The following MON2 variants were observed in gnomAD, a reference collection of about 807,000 sequenced individuals.
MON2 encodes the protein protein MON2 homolog.
Under a neutral mutation model 208.6 loss-of-function variants are expected in MON2, and 84 were observed. The observed-to-expected ratio is 0.40, with a 90% CI of 0.34 to 0.48. The LOEUF is 0.48. MON2 is among the 20% of genes least tolerant of loss of function. The pLI is 0.59. For synonymous variants in MON2, 660 were observed against 694.0 expected (o/e 0.95, Z 0.77); for missense variants, 1,611 against 2,015.4 (o/e 0.80, Z 3.84).
intron 7 of MON2, among the ~76,000 whole-genome samples, chr12:62,507,100 C>G (rs1006333458): frequency 6.6e-6 from 1 of 152,074 alleles, no homozygotes; most frequent in Non-Finnish European, 1.5e-5. Context: ...TTTATCAGCT[C>G]ATCATGTTCT....
chr12:62,547,214 G>A, intron 22 of MON2, 142 bp downstream of exon 22: 1 of 525,624 alleles, frequency 1.9e-6, no homozygotes, highest in East Asian at 3.7e-5. Flanking sequence ...TTTCATGTAT[G>A]CGCTTCCTGC....
Position 62,594,755 on chromosome 12 carries a change from A to G in MON2, c.*2006A>G, listed in dbSNP as rs1453986872. On this transcript the variant is annotated 3_prime_UTR_variant, in exon 35 of 35. Transcript: ENST00000393630. The stretch of plus-strand genomic sequence containing the variant: ...AACCAAAGCTTGCTTTATCAGGACC[A>G]TGCCCTACAGTTCAAAACATAAACA... 6.6e-6 allele frequency: 1 copy of G among 152,260 alleles called. No homozygotes were observed. The highest frequency in any genetic ancestry group is 2.4e-5 in the African/African-American group (1 of 41,478). 9.4% of individuals were successfully genotyped at this position (152,260 alleles called of 1,614,324 possible).
intron 4 of MON2, among the ~76,000 whole-genome samples, chr12:62,496,851 T>C (rs1045473710): frequency 1.3e-4 from 20 of 150,898 alleles, no homozygotes; most frequent in Non-Finnish European, 2.8e-4. Flanking sequence ...TAAAGACACA[T>C]GCACACGTAT....
At position 62,538,258 on chromosome 12, in the gene MON2, A is replaced by G; in HGVS notation, c.2206A>G (p.Thr736Ala). 6.2e-7 allele frequency: 1 copy of G among 1,613,348 alleles called. No homozygotes were observed. The change falls in exon 18 of 35, where the codon ACA becomes GCA. Residue 736 changes from threonine to alanine, a missense_variant. Transcript: ENST00000393630. ...RAVEGPSTVL[T>A]TAVMTDLPVI... ...TTAATTTTATTCTTCTCAGGTTCTA[A>G]CAACAGCAGTGATGACAGATTTACC...
chr12:62,555,844 A>C, intron 24 of MON2, 150 bp from the exon 25 acceptor site: 1 of 592,984 alleles, frequency 1.7e-6, no homozygotes, highest in Non-Finnish European at 2.9e-6. Context: ...TAATTACTCT[A>C]TTGGTCAGTT....
At chr12:62,544,022 A>G (rs917232936) in intron 20 of MON2, among the ~76,000 whole-genome samples, 5 of 152,178 alleles carry the variant, frequency 3.3e-5, no homozygotes, top group African/African-American at 1.2e-4. Flanking sequence ...GGTTGAGGTA[A>G]TTCTTAATAA....
At position 62,538,491 on chromosome 12, in the gene MON2, T is replaced by C; in HGVS notation, c.2350T>C (p.Tyr784His). The C allele has an allele frequency of 2.5e-6, 4 of 1,599,056 alleles. No homozygotes were observed. Among genetic ancestry groups the C allele is most frequent in the Non-Finnish European group, 2.6e-6 (3 of 1,167,012 alleles). The change falls in exon 19 of 35, where the codon TAT (tyrosine) becomes CAT (histidine). Residue 784 changes from tyrosine (Y) to histidine (H), a missense_variant. Physicochemically the swap from Tyr to His is moderately conservative, Grantham distance 83. Transcript: ENST00000393630. ...GTCTCTAGAAGCAATGGATATGGCC[T>C]ATGGAAATAATAAGGTGTGATATTC... is the stretch of plus-strand genomic sequence containing the variant. Reference protein sequence around the residue: ...SLSLEAMDMAYGNNKEPSLFA... With the variant: ...SLSLEAMDMAHGNNKEPSLFA...
intron 32 of MON2, among the ~76,000 whole-genome samples, chr12:62,583,067 T>C (rs2136466818): frequency 6.6e-6 from 1 of 152,298 alleles, no homozygotes; most frequent in South Asian, 2.1e-4. Context: ...GCACGGTGGC[T>C]CAGGCCTGTA....
In MON2 at chr12:62,482,303, G is replaced by C. The variant is rs2069492338; in HGVS notation, c.112-1867G>C. On this transcript the variant is annotated intron_variant, in intron 1 of 34. Transcript: ENST00000393630. ...TCAAACACAAGCAAGGGCTTGACATGCTTGGAGCCAACAAAATGACAGAAG... is the reference window on the plus strand; with the variant it reads ...TCAAACACAAGCAAGGGCTTGACATCCTTGGAGCCAACAAAATGACAGAAG... 2 of 152,248 alleles carry C rather than the reference G, an allele frequency of 1.3e-5. 1 individual carries two copies. The highest frequency in any genetic ancestry group is 4.1e-4 in the South Asian group (2 of 4,834). The allele number at this position is 152,248 out of a possible 1,614,324, so 9.4% of individuals were successfully genotyped here.
intron 8 of MON2, among the ~76,000 whole-genome samples, chr12:62,521,930 C>T (rs962684190): frequency 2.6e-5 from 4 of 152,184 alleles, no homozygotes; most frequent in East Asian, 1.9e-4. Flanking sequence ...TGGTGGCTCA[C>T]GCCTATAATC....
At chr12:62,492,221 T>A (rs11174507) in intron 2 of MON2, among the ~76,000 whole-genome samples, 57,238 of 152,004 alleles carry the variant, frequency 0.38, 11,033 homozygotes, top group African/African-American at 0.43. Context: ...AATGATAAAA[T>A]TAATGTTAAT....
chr12:62,521,271 A>G (rs943846869), intron 8 of MON2, among the ~76,000 whole-genome samples: 13 of 152,086 alleles, frequency 8.5e-5, no homozygotes, highest in African/African-American at 2.9e-4. Context: ...AGCCTCCCAA[A>G]GTGGAAGGAT....
chr12:62,501,427 A>C lies in MON2; in HGVS notation c.664-146A>C, dbSNP rs986754789. ...AATCTATCAATTACACAATTTGTCAAAATTGGAATTACCAGTGCTTAGTTT... is the reference window on the plus strand; with the variant it reads ...AATCTATCAATTACACAATTTGTCACAATTGGAATTACCAGTGCTTAGTTT... On this transcript the variant is annotated intron_variant, in intron 6 of 34. Coordinates refer to ENST00000393630, the MANE Select transcript of MON2 (RefSeq NM_015026.3). 8 of 805,342 alleles carry C rather than the reference A, an allele frequency of 9.9e-6. No individual in the cohort carries two copies. In the East Asian group the frequency reaches 2.2e-4, roughly 22 times the overall value. 49.9% of individuals were successfully genotyped at this position (805,342 alleles called of 1,614,324 possible).
In MON2 at chr12:62,576,971, A is replaced by C. The variant is rs1395902846; in HGVS notation, c.4515-1474A>C. On this transcript the variant is annotated intron_variant, in intron 30 of 34. Transcript: ENST00000393630. The stretch of plus-strand genomic sequence containing the variant: ...TAGTGTGTATATTTCTATAAACACT[A>C]ATAATATAGAAATATACACACTAAT... Among the ~76,000 whole-genome samples, 4 of 151,772 alleles carry C rather than the reference A, an allele frequency of 2.6e-5. No homozygotes were observed. In the East Asian group the frequency reaches 7.7e-4, roughly 29 times the overall value.
chr12:62,467,382 C>G, intron 1 of MON2, 64 bp downstream of exon 1: 2 of 1,322,002 alleles, frequency 1.5e-6, no homozygotes, highest in Non-Finnish European at 2.2e-6. Flanking sequence ...AGACTCAGTG[C>G]TTCACCCCAG....
At chr12:62,487,675 T>C (rs2069879852) in intron 2 of MON2, among the ~76,000 whole-genome samples, 1 of 151,616 alleles carries the variant, frequency 6.6e-6, no homozygotes, top group Non-Finnish European at 1.5e-5. Flanking sequence ...AATACATTTA[T>C]ATTTATATAT....
At position 62,594,374 on chromosome 12, in the gene MON2, T is replaced by G. The variant is rs1160021584; in HGVS notation, c.*1625T>G. 3 of 152,186 alleles carry G rather than the reference T, an allele frequency of 2.0e-5. No individual in the cohort carries two copies. Among genetic ancestry groups the G allele is most frequent in the Non-Finnish European group, 4.4e-5 (3 of 68,010 alleles). 9.4% of individuals were successfully genotyped at this position (152,186 alleles called of 1,614,324 possible). On this transcript the variant is annotated 3_prime_UTR_variant, in exon 35 of 35. Coordinates refer to ENST00000393630, the MANE Select transcript of MON2 (RefSeq NM_015026.3). ...AGGTCTTTGAGGGGATATTTTTTATTTACATGAATTACTGAATTTCTATTT... is the reference window on the plus strand; with the variant it reads ...AGGTCTTTGAGGGGATATTTTTTATGTACATGAATTACTGAATTTCTATTT...
chr12:62,551,063 G>A (rs2073721848), intron 23 of MON2, among the ~76,000 whole-genome samples: 1 of 151,750 alleles, frequency 6.6e-6, no homozygotes, highest in Non-Finnish European at 1.5e-5. Flanking sequence ...GGAATTATAG[G>A]CGCCCGCCAT....
At chr12:62,479,220 T>C (rs1024519131) in intron 1 of MON2, among the ~76,000 whole-genome samples, 2 of 152,200 alleles carry the variant, frequency 1.3e-5, no homozygotes, top group African/African-American at 2.4e-5. Context: ...CATCCTTTGA[T>C]ATCTGCAGGG....
Sources: allele counts gnomAD v4.1 joint callset (sites outside exome capture counted in the v4.1 genomes callset), GRCh38; gene constraint gnomAD v4.1.1; transcripts MANE v1.5; gene names NCBI Gene and HGNC (gene_info 2026-07-23, HGNC 2026-07-21).